Variants in ERBB4 observed in about 807,000 individuals in gnomAD.
ERBB4 encodes receptor tyrosine-protein kinase erbB-4.
ERBB4 carries 42 observed loss-of-function variants against 158.0 expected under a neutral mutation model. The observed-to-expected ratio is 0.27, with a 90% CI of 0.21 to 0.34. The LOEUF is 0.34. Ranked by LOEUF, ERBB4 falls within the 10% of genes least tolerant of loss-of-function variation. ERBB4 has a pLI of 1.00. For synonymous variants in ERBB4, 583 were observed against 558.7 expected (o/e 1.04, Z -0.61); for missense variants, 1,333 against 1,624.1 (o/e 0.82, Z 3.08).
rs551578320 is a variant in ERBB4 at position 211,780,167 on chromosome 2, G to C, written c.556+7858C>G. On this transcript the variant is annotated intron_variant, in intron 4 of 27. Coordinates refer to ENST00000342788, the MANE Select transcript of ERBB4 (RefSeq NM_005235.3). ...ACTTGTGCCCAGAAGTTGGAGTCTA[G>C]CCTGGGTAACGTAGGGAGAGCCTGT... Among the ~76,000 whole-genome samples, 18 of 152,160 alleles carry C rather than the reference G, an allele frequency of 1.2e-4. 1 individual carries two copies. The South Asian group carries it at 3.7e-3, about 32-fold the overall frequency.
chr2:212,413,002 C>T (rs2091543132), intron 1 of ERBB4, among the ~76,000 whole-genome samples: 1 of 151,816 alleles, frequency 6.6e-6, no homozygotes, highest in African/African-American at 2.4e-5. Context: ...GAGTCTCGTT[C>T]TGTCACCCAG....
intron 1 of ERBB4, among the ~76,000 whole-genome samples, chr2:212,407,143 A>G (rs2091369243): frequency 6.6e-6 from 1 of 150,930 alleles, no homozygotes; most frequent in African/African-American, 2.4e-5. Flanking sequence ...TACATAACAT[A>G]TATTATATAT....
chr2:212,293,543 G>T (rs1005489217), intron 1 of ERBB4, among the ~76,000 whole-genome samples: 2 of 151,942 alleles, frequency 1.3e-5, no homozygotes, highest in Admixed American at 1.3e-4. Flanking sequence ...AACTAATGCA[G>T]TTGAGTGAAA....
rs371967529 is a variant in ERBB4, at chr2:212,368,163, C to T, written c.82+170286G>A. ...GTGGCACAATTCACAATAGCAAAAT[C>T]GTGGAAGCAACCCAAATGCCCATCA... On this transcript the variant is annotated intron_variant, in intron 1 of 27. Coordinates refer to ENST00000342788, the MANE Select transcript of ERBB4 (RefSeq NM_005235.3). Among the ~76,000 whole-genome samples the T allele has an allele frequency of 4.6e-5, 7 of 152,168 alleles. No individual in the cohort carries two copies. In the East Asian group the frequency reaches 1.2e-3, roughly 25 times the overall value.
chr2:211,605,597 C>A (rs74440516), intron 19 of ERBB4, among the ~76,000 whole-genome samples: 3,121 of 152,138 alleles, frequency 0.021, 99 homozygotes, highest in African/African-American at 0.072. Context: ...CTGAAGGTAG[C>A]ATTACTCAAA....
intron 3 of ERBB4, among the ~76,000 whole-genome samples, chr2:211,917,315 T>TG (rs1559096394): frequency 7.8e-6 from 1 of 128,358 alleles, no homozygotes; most frequent in Non-Finnish European, 1.7e-5. Flanking sequence ...TACAGAGATA[T>TG]GGAAAAAAAA....
chr2:212,247,329 T>C (rs2084347411), intron 1 of ERBB4, among the ~76,000 whole-genome samples: 1 of 152,172 alleles, frequency 6.6e-6, no homozygotes, highest in Non-Finnish European at 1.5e-5. Context: ...CTATTACCTC[T>C]AGTGGAATGT....
At chr2:211,943,863 A>T (rs2080575247) in intron 3 of ERBB4, among the ~76,000 whole-genome samples, 1 of 151,874 alleles carries the variant, frequency 6.6e-6, no homozygotes, top group Non-Finnish European at 1.5e-5. Flanking sequence ...GCTAGTTAGT[A>T]ATAATTTTTA....
At chr2:212,447,099 C>A (rs1316161132) in intron 1 of ERBB4, among the ~76,000 whole-genome samples, 1 of 151,754 alleles carries the variant, frequency 6.6e-6, no homozygotes, top group African/African-American at 2.4e-5. Flanking sequence ...TAGGTTCACG[C>A]CATTCTCCTG....
intron 2 of ERBB4, among the ~76,000 whole-genome samples, chr2:212,073,805 C>G (rs1240090973): frequency 6.7e-6 from 1 of 148,770 alleles, no homozygotes; most frequent in Non-Finnish European, 1.5e-5. Context: ...ACAATCAAAG[C>G]ATGATTATTT....
intron 15 of ERBB4, 108 bp from the exon 16 acceptor site, chr2:211,657,936 A>G: frequency 1.2e-6 from 2 of 1,609,652 alleles, no homozygotes; most frequent in African/African-American, 2.7e-5. Context: ...ATGGGAAGCA[A>G]GCACACCAAG....
In ERBB4 at chr2:211,947,454, C is replaced by T. The variant is rs1575419937; in HGVS notation, c.397G>A (p.Glu133Lys). 6.2e-7 allele frequency: 1 copy of T among 1,613,664 alleles called. No individual in the cohort carries two copies. Among genetic ancestry groups the T allele is most frequent in the Non-Finnish European group, 8.5e-7 (1 of 1,179,852 alleles). ...CCTGTCAAGTTCTTTAATCCAAGTT[C>T]TTGAAGTCCAAAGTTTCCATCTTTT... Reference protein sequence around the residue: ...YRKDGNFGLQELGLKNLTEIL... With the variant: ...YRKDGNFGLQKLGLKNLTEIL... The change falls in exon 3 of 28, where the codon GAA becomes AAA. Residue 133 changes from glutamate (E) to lysine (K), a missense_variant. Coordinates refer to ENST00000342788, the MANE Select transcript of ERBB4 (RefSeq NM_005235.3).
rs536396096 is a variant in ERBB4 at position 212,112,447 on chromosome 2, A to T, written c.234+12305T>A. On this transcript the variant is annotated intron_variant, in intron 2 of 27. Transcript: ENST00000342788. ...AATCTAGTTCCGAAATTTTTATTTT[A>T]TTTTTTTTTTAATGAAAACCTCCCT... Among the ~76,000 whole-genome samples the T allele has an allele frequency of 2.2e-3, 319 of 147,636 alleles. 1 individual carries two copies. Among genetic ancestry groups the T allele is most frequent in the Non-Finnish European group, 3.6e-3 (241 of 66,508 alleles).
intron 2 of ERBB4, among the ~76,000 whole-genome samples, chr2:211,998,002 C>T (rs1177890347): frequency 1.3e-5 from 2 of 151,378 alleles, no homozygotes; most frequent in African/African-American, 4.9e-5. Flanking sequence ...GATAAGGTTT[C>T]TATTAGAAAT....
At chr2:211,895,623 T>C (rs890115048) in intron 3 of ERBB4, among the ~76,000 whole-genome samples, 2 of 152,092 alleles carry the variant, frequency 1.3e-5, no homozygotes, top group Admixed American at 6.6e-5. Context: ...AGCATACAGG[T>C]AAAATGTAAC....
At chr2:212,297,030 A>G (rs2086439140) in intron 1 of ERBB4, among the ~76,000 whole-genome samples, 1 of 151,800 alleles carries the variant, frequency 6.6e-6, no homozygotes, top group Non-Finnish European at 1.5e-5. Context: ...TCGAGGTTAA[A>G]CTCTCTTTTA....
intron 20 of ERBB4, among the ~76,000 whole-genome samples, chr2:211,523,814 C>A (rs1011095614): frequency 3.3e-5 from 5 of 152,228 alleles, no homozygotes; most frequent in African/African-American, 1.2e-4. Flanking sequence ...GTTGCCATTG[C>A]TGGCTTGGGC....
Position 211,590,783 on chromosome 2 carries a change from G to T in ERBB4, c.2301+28394C>A, listed in dbSNP as rs75999862. ...TGTCTTGGGAAATCGGCTCTTTCTA[G>T]GCAGCAAGTAAGGCGAACCCATTGG... On this transcript the variant is annotated intron_variant, in intron 19 of 27. Coordinates refer to ENST00000342788, the MANE Select transcript of ERBB4 (RefSeq NM_005235.3). Among the ~76,000 whole-genome samples, 1,201 of 152,240 alleles carry T rather than the reference G, an allele frequency of 7.9e-3. 21 individuals are homozygous for T. Among genetic ancestry groups the T allele is most frequent in the African/African-American group, 0.027 (1,142 of 41,530 alleles).
rs530831697 is a variant in ERBB4, at chr2:212,491,420, G to A, written c.82+47029C>T. Reference sequence around the variant, plus strand: ...TGAAGGCAATAGATTCTTCTTACAAGTACAGTAACATGTTGTTTAATTTGT... The same window carrying A: ...TGAAGGCAATAGATTCTTCTTACAAATACAGTAACATGTTGTTTAATTTGT... On this transcript the variant is annotated intron_variant, in intron 1 of 27. Transcript: ENST00000342788. Among the ~76,000 whole-genome samples, 4 of 151,626 alleles carry A rather than the reference G, an allele frequency of 2.6e-5. No homozygotes were observed. In the South Asian group the frequency reaches 8.3e-4, roughly 31 times the overall value.
Sources: gnomAD v4.1 joint callset for allele counts (sites outside exome capture counted in the v4.1 genomes callset) on GRCh38, gnomAD v4.1.1 for gene constraint, MANE v1.5 for transcripts, NCBI Gene and HGNC (gene_info 2026-07-23, HGNC 2026-07-21) for gene names.